LIN7A: variants seen among roughly 807,000 people sequenced by gnomAD.
The protein encoded by LIN7A is lin-7 cell polarity scaffold A.
A neutral mutation model predicts 29.8 loss-of-function variants in LIN7A; 25 were observed. The observed-to-expected ratio is 0.84, with a 90% CI of 0.61 to 1.17. LIN7A has a LOEUF of 1.17. Ranked by LOEUF, LIN7A falls within the 50% of genes most tolerant of loss-of-function variation. LIN7A has a pLI of 0.00. For synonymous variants in LIN7A, 118 were observed against 107.5 expected, an observed-to-expected ratio of 1.10 and a Z score of -0.60; for missense variants, 239 against 287.0, an observed-to-expected ratio of 0.83 and a Z score of 1.21.
intron 5 of LIN7A, among the ~76,000 whole-genome samples, chr12:80,803,984 C>G (rs115648101): frequency 2.0e-5 from 3 of 152,110 alleles, no homozygotes; most frequent in African/African-American, 7.2e-5. Context: ...GTGTTTGAAT[C>G]GTGGCCCTAT....
At chr12:80,933,866 TCTC>T (rs988604902) in intron 1 of LIN7A, among the ~76,000 whole-genome samples, 6 of 152,114 alleles carry the variant, frequency 3.9e-5, no homozygotes, top group African/African-American at 1.2e-4. Context: ...TTTTATTTCT[TCTC>T]CTTGGCACTT....
chr12:80,909,191 A>C (rs1349247688), intron 1 of LIN7A, among the ~76,000 whole-genome samples: 1 of 152,090 alleles, frequency 6.6e-6, no homozygotes, highest in African/African-American at 2.4e-5. Context: ...TGGTTACCCA[A>C]TTTTTACAGT....
intron 4 of LIN7A, among the ~76,000 whole-genome samples, chr12:80,821,694 A>C (rs917354276): frequency 2.6e-5 from 4 of 152,204 alleles, no homozygotes; most frequent in African/African-American, 9.6e-5. Context: ...GGGAGCCAGC[A>C]ACAGGCGGAA....
chr12:80,863,877 T>A (rs1404349974), intron 2 of LIN7A, among the ~76,000 whole-genome samples: 2 of 149,878 alleles, frequency 1.3e-5, no homozygotes, highest in Non-Finnish European at 2.9e-5. Context: ...AGCTAACTAA[T>A]GAATGATGAA....
intron 1 of LIN7A, among the ~76,000 whole-genome samples, chr12:80,892,675 A>G (rs1179235496): frequency 1.3e-5 from 2 of 152,188 alleles, no homozygotes; most frequent in African/African-American, 4.8e-5. Flanking sequence ...TTAACTGCAC[A>G]TTAAAATCAA....
At chr12:80,919,499 C>T (rs1263933740) in intron 1 of LIN7A, among the ~76,000 whole-genome samples, 2 of 152,178 alleles carry the variant, frequency 1.3e-5, no homozygotes, top group African/African-American at 2.4e-5. Flanking sequence ...GTGGCAAGCA[C>T]TCACTGATTT....
At chr12:80,909,710 C>A (rs896624748) in intron 1 of LIN7A, among the ~76,000 whole-genome samples, 1 of 152,052 alleles carries the variant, frequency 6.6e-6, no homozygotes, top group Non-Finnish European at 1.5e-5. Flanking sequence ...AATAGTACGG[C>A]CTTGGAAGTT....
Position 80,834,699 on chromosome 12 carries a change from G to A in LIN7A, c.483+11031C>T, listed in dbSNP as rs147830950. Among the ~76,000 whole-genome samples, 370 of 152,288 alleles carry A rather than the reference G, an allele frequency of 2.4e-3. 2 individuals are homozygous for A. The highest frequency in any genetic ancestry group is 8.4e-3 in the African/African-American group (351 of 41,570). On this transcript the variant is annotated intron_variant, in intron 4 of 5. Transcript: ENST00000552864. ...GAGTTAAAGTTTGGTTATCTCACATGAACCTGTGAGCAATCACATGTGGCT... is the reference window on the plus strand; with the variant it reads ...GAGTTAAAGTTTGGTTATCTCACATAAACCTGTGAGCAATCACATGTGGCT...
intron 2 of LIN7A, among the ~76,000 whole-genome samples, chr12:80,858,928 C>T (rs2120386431): frequency 6.6e-6 from 1 of 152,152 alleles, no homozygotes; most frequent in Admixed American, 6.5e-5. Context: ...GATACATTGT[C>T]ATTGTCACAG....
intron 2 of LIN7A, among the ~76,000 whole-genome samples, chr12:80,860,365 T>C (rs1394984453): frequency 6.6e-6 from 1 of 152,210 alleles, no homozygotes; most frequent in Non-Finnish European, 1.5e-5. Context: ...AGACAAGTCA[T>C]TCAAATTGCA....
intron 1 of LIN7A, among the ~76,000 whole-genome samples, chr12:80,892,954 G>A (rs1565918386): frequency 6.6e-6 from 1 of 152,140 alleles, no homozygotes; most frequent in Non-Finnish European, 1.5e-5. Context: ...ACCCAGAAAA[G>A]CTTATTGAAA....
chr12:80,806,642 A>C (rs1871003747), intron 5 of LIN7A, among the ~76,000 whole-genome samples: 1 of 152,196 alleles, frequency 6.6e-6, no homozygotes, highest in Admixed American at 6.5e-5. Flanking sequence ...TGACTGGTTA[A>C]ATTTTATAAA....
At chr12:80,911,268 ATTTT>A (rs768907424) in intron 1 of LIN7A, among the ~76,000 whole-genome samples, 2 of 105,886 alleles carry the variant, frequency 1.9e-5, no homozygotes, top group Admixed American at 1.0e-4. Flanking sequence ...AAGTTTGTCT[ATTTT>A]TTTTTTTTTT....
intron 3 of LIN7A, among the ~76,000 whole-genome samples, chr12:80,846,281 A>C (rs2121548982): frequency 6.6e-6 from 1 of 152,300 alleles, no homozygotes; most frequent in Non-Finnish European, 1.5e-5. Flanking sequence ...ATCTACTATT[A>C]TAATTATTTT....
chr12:80,819,840 A>C (rs1871710328), intron 4 of LIN7A, among the ~76,000 whole-genome samples: 1 of 152,192 alleles, frequency 6.6e-6, no homozygotes, highest in Non-Finnish European at 1.5e-5. Context: ...TTGTTGAACT[A>C]TTTTCTTGTT....
At chr12:80,935,227 G>A (rs1253009190) in intron 1 of LIN7A, among the ~76,000 whole-genome samples, 2 of 152,290 alleles carry the variant, frequency 1.3e-5, no homozygotes, top group Non-Finnish European at 2.9e-5. Context: ...ATCCAATAGG[G>A]ATAGACAAAT....
chr12:80,894,273 C>G (rs896947188), intron 1 of LIN7A, among the ~76,000 whole-genome samples: 1 of 152,070 alleles, frequency 6.6e-6, no homozygotes, highest in Non-Finnish European at 1.5e-5. Flanking sequence ...TGGTATAACT[C>G]AGATCAAGAG....
chr12:80,906,492 A>G (rs1795517), intron 1 of LIN7A, among the ~76,000 whole-genome samples: 103,550 of 151,866 alleles, frequency 0.68, 39,191 homozygotes, highest in Non-Finnish European at 0.87. Context: ...TCTTGCTTTC[A>G]CTGGGGGTTG....
chr12:80,817,790 T>C (rs1399533013), intron 4 of LIN7A, among the ~76,000 whole-genome samples: 4 of 152,202 alleles, frequency 2.6e-5, no homozygotes, highest in African/African-American at 9.6e-5. Context: ...CCGTTAGTTG[T>C]AGGTCTGGAT....
Sources: gnomAD v4.1 joint callset for allele counts (sites outside exome capture counted in the v4.1 genomes callset) on GRCh38, gnomAD v4.1.1 for gene constraint, MANE v1.5 for transcripts, NCBI Gene and HGNC (gene_info 2026-07-23, HGNC 2026-07-21) for gene names.